DNAJC13: variants seen among roughly 807,000 people sequenced by gnomAD.
The protein encoded by DNAJC13 is DnaJ heat shock protein family (Hsp40) member C13.
A neutral mutation model predicts 290.5 loss-of-function variants in DNAJC13; 75 were observed. That is an observed-to-expected ratio of 0.26 (90% CI 0.21 to 0.31). The LOEUF (loss-of-function observed/expected upper bound fraction) is 0.31, where lower values mean the gene tolerates loss of function less well. Ranked by LOEUF, DNAJC13 falls within the 10% of genes least tolerant of loss-of-function variation. DNAJC13 has a pLI of 1.00. For missense variants in DNAJC13, 2,260 were observed against 2,674.5 expected (o/e 0.85, Z 3.42); for synonymous variants, 862 against 892.0 (o/e 0.97, Z 0.60).
chr3:132,457,847 A>G (rs1010561204), intron 13 of DNAJC13: 3 of 154,168 alleles, frequency 1.9e-5, no homozygotes, highest in African/African-American at 7.2e-5. Context: ...ATAATTAAAT[A>G]TGGTTGGGTT....
At chr3:132,491,182 C>G in intron 32 of DNAJC13, 131 bp downstream of exon 32, 1 of 795,408 alleles carries the variant, frequency 1.3e-6, no homozygotes, top group Admixed American at 3.4e-5. Context: ...ATCATTGATG[C>G]CAAATCAAAT....
At chr3:132,460,196 C>A in intron 13 of DNAJC13, 54 bp from the exon 14 acceptor site, 1 of 1,199,842 alleles carries the variant, frequency 8.3e-7, no homozygotes, top group Non-Finnish European at 1.2e-6. Context: ...TTGCGTGATG[C>A]TAGCACATGG....
chr3:132,478,151 C>A lies in DNAJC13; in HGVS notation c.2709+11C>A. Reference sequence around the variant, plus strand: ...GGAATGTTAGAGAGGGTAAGGATATCATTTAAGGAAATTACTATTTGATAG... The same window carrying A: ...GGAATGTTAGAGAGGGTAAGGATATAATTTAAGGAAATTACTATTTGATAG... On this transcript the variant is annotated intron_variant, in intron 24 of 55. Coordinates refer to ENST00000260818, the MANE Select transcript of DNAJC13 (RefSeq NM_015268.4). 1 of 1,583,006 alleles carries A rather than the reference C, an allele frequency of 6.3e-7. No homozygotes were observed. The highest frequency in any genetic ancestry group is 8.6e-7 in the Non-Finnish European group (1 of 1,168,856).
intron 42 of DNAJC13, 52 bp downstream of exon 42, chr3:132,505,467 T>G: frequency 5.9e-6 from 7 of 1,187,916 alleles, no homozygotes; most frequent in Non-Finnish European, 7.4e-6. Flanking sequence ...ATGGAATCTC[T>G]GGAAGTACAG....
chr3:132,507,369 T>C lies in DNAJC13; in HGVS notation c.5115+16T>C. 7 of 1,398,512 alleles carry C rather than the reference T, an allele frequency of 5.0e-6. No homozygotes were observed. Among genetic ancestry groups the C allele is most frequent in the Non-Finnish European group, 6.1e-6 (6 of 986,530 alleles). 86.6% of individuals were successfully genotyped at this position (1,398,512 alleles called of 1,614,324 possible). ...CCAACTGGAGGTAAGCTCTCTGCTT[T>C]TAATTTTACCTGATACCTTTGATCA... On this transcript the variant is annotated intron_variant, in intron 43 of 55. Transcript: ENST00000260818.
At chr3:132,534,047 G>C (rs560445553) in intron 55 of DNAJC13, among the ~76,000 whole-genome samples, 1 of 152,228 alleles carries the variant, frequency 6.6e-6, no homozygotes, top group Non-Finnish European at 1.5e-5. Context: ...AGAAGGTTAG[G>C]GAAAAAGAAA....
intron 20 of DNAJC13, among the ~76,000 whole-genome samples, chr3:132,470,755 C>T (rs1934195902): frequency 8.8e-6 from 1 of 113,146 alleles, no homozygotes; most frequent in African/African-American, 3.6e-5. Flanking sequence ...CAGAGGCGCC[C>T]CTCACCTCCC....
intron 51 of DNAJC13, among the ~76,000 whole-genome samples, chr3:132,524,757 A>G (rs1225306916): frequency 6.6e-6 from 1 of 152,334 alleles, no homozygotes; most frequent in African/African-American, 2.4e-5. Context: ...TTCCTCCTAT[A>G]TCACCTTTCT....
Position 132,478,078 on chromosome 3 carries a change from A to G in DNAJC13, c.2647A>G (p.Arg883Gly), listed in dbSNP as rs1376340345. ...ACAAGCCCTTGCTATTGTTTATGGC[A>G]GATGTCACGAAGAAATAGGACCTTT... Reference protein sequence around the residue: ...CLQALAIVYGRCHEEIGPFTD... With the variant: ...CLQALAIVYGGCHEEIGPFTD... The change falls in exon 24 of 56, where the codon AGA (arginine) becomes GGA (glycine). Residue 883 changes from arginine (R) to glycine (G), a missense_variant. Physicochemically the swap from Arg to Gly is moderately radical, Grantham distance 125. Transcript: ENST00000260818. 2 of 1,613,500 alleles carry G rather than the reference A, an allele frequency of 1.2e-6. No homozygotes were observed. Among genetic ancestry groups the G allele is most frequent in the Non-Finnish European group, 1.7e-6 (2 of 1,179,816 alleles).
chr3:132,471,687 T>G (rs1323937800), intron 20 of DNAJC13, among the ~76,000 whole-genome samples: 2 of 113,636 alleles, frequency 1.8e-5, no homozygotes, highest in South Asian at 6.6e-4. Context: ...CTAGATGTGA[T>G]GGCGGCTGGG....
chr3:132,488,064 G>A (rs1171850404), intron 29 of DNAJC13, among the ~76,000 whole-genome samples: 1 of 152,042 alleles, frequency 6.6e-6, no homozygotes, highest in African/African-American at 2.4e-5. Context: ...AGGCATGTTT[G>A]GGCTTTTCTG....
chr3:132,425,393 C>G (rs918270007), intron 1 of DNAJC13, among the ~76,000 whole-genome samples: 1 of 152,138 alleles, frequency 6.6e-6, no homozygotes. Context: ...ATATTGTAAA[C>G]ATTTTCACCT....
intron 42 of DNAJC13, among the ~76,000 whole-genome samples, chr3:132,506,424 A>G (rs1040844187): frequency 2.7e-5 from 4 of 150,388 alleles, no homozygotes; most frequent in African/African-American, 9.8e-5. Context: ...TTTATTCTAT[A>G]CTTTTACATG....
At chr3:132,503,783 A>G (rs1935497240) in intron 41 of DNAJC13, among the ~76,000 whole-genome samples, 1 of 152,194 alleles carries the variant, frequency 6.6e-6, no homozygotes, top group South Asian at 2.1e-4. Flanking sequence ...AAGTAAATAC[A>G]TACATGCACA....
At chr3:132,418,055 C>A (rs1465344353) in intron 1 of DNAJC13, among the ~76,000 whole-genome samples, 1 of 152,074 alleles carries the variant, frequency 6.6e-6, no homozygotes, top group Non-Finnish European at 1.5e-5. Flanking sequence ...ATATCCTTAC[C>A]CCACAGGCTC....
intron 1 of DNAJC13, 23 bp downstream of exon 1, chr3:132,417,783 G>C (rs990977087): frequency 2.0e-5 from 3 of 152,652 alleles, no homozygotes; most frequent in African/African-American, 4.8e-5. Context: ...CCGGGCACTG[G>C]GCTCTGGGGC....
intron 8 of DNAJC13, 114 bp downstream of exon 8, chr3:132,453,808 C>G (rs1933498356): frequency 3.5e-6 from 3 of 858,876 alleles, no homozygotes; most frequent in Non-Finnish European, 5.5e-6. Context: ...TGGACAGAAT[C>G]TGTATTTAAC....
At chr3:132,483,246 A>AT in intron 27 of DNAJC13, 129 bp from the exon 28 acceptor site, 2 of 980,272 alleles carry the variant, frequency 2.0e-6, no homozygotes, top group Middle Eastern at 2.9e-4. Flanking sequence ...AACAAAACTT[A>AT]TTTTTTCTGA....
At position 132,453,582 on chromosome 3, in the gene DNAJC13, A is replaced by C. The variant is rs368364734; in HGVS notation, c.745-17A>C. 66 of 1,606,834 alleles carry C rather than the reference A, an allele frequency of 4.1e-5. No individual in the cohort carries two copies. In the African/African-American group the frequency reaches 8.1e-4, roughly 20 times the overall value. ...AAAAAATAACTTCTTAATATGTCTC[A>C]ATTTTATTTTTTGAAGGAGCCTGTT... On this transcript the variant is annotated splice_polypyrimidine_tract_variant and intron_variant, in intron 7 of 55. Coordinates refer to ENST00000260818, the MANE Select transcript of DNAJC13 (RefSeq NM_015268.4).
Sources: gnomAD v4.1 joint callset for allele counts (sites outside exome capture counted in the v4.1 genomes callset) on GRCh38, gnomAD v4.1.1 for gene constraint, MANE v1.5 for transcripts, NCBI Gene and HGNC (gene_info 2026-07-23, HGNC 2026-07-21) for gene names.